Variants in IL36B observed in about 807,000 individuals in gnomAD.
IL36B encodes interleukin 36 beta, also known as interleukin-36 beta.
IL36B carries 23 observed loss-of-function variants against 19.3 expected under a neutral mutation model. The ratio of observed to expected loss-of-function variants is 1.19; its 90% CI spans 0.86 to 1.69. The LOEUF (loss-of-function observed/expected upper bound fraction) is 1.69, where lower values mean the gene tolerates loss of function less well. Among genes scored for constraint, IL36B ranks in the 40% most tolerant of loss-of-function variants. IL36B has a pLI of 0.00. For missense variants in IL36B, 217 were observed against 200.5 expected, an observed-to-expected ratio of 1.08 and a Z score of -0.50; for synonymous variants, 59 against 59.7, an observed-to-expected ratio of 0.99 and a Z score of 0.05.
At chr2:113,038,128 C>T (rs892770690) in intron 1 of IL36B, among the ~76,000 whole-genome samples, 7 of 152,164 alleles carry the variant, frequency 4.6e-5, no homozygotes, top group Non-Finnish European at 1.5e-5. Context: ...GAGATATTTC[C>T]AGAGAACAGA....
At chr2:113,040,533 G>A (rs375964117) in intron 1 of IL36B, among the ~76,000 whole-genome samples, 34 of 152,278 alleles carry the variant, frequency 2.2e-4, no homozygotes, top group African/African-American at 7.9e-4. Context: ...GAACTAATAA[G>A]TGCAAGGCTG....
chr2:113,022,806 C>G, intron 5 of IL36B: 1 of 1,464,190 alleles, frequency 6.8e-7, no homozygotes, highest in Non-Finnish European at 9.6e-7. Flanking sequence ...ATCTCCTAGG[C>G]TTAGCAAGAT....
chr2:113,051,213 G>C (rs868126713), intron 1 of IL36B, among the ~76,000 whole-genome samples: 2 of 152,222 alleles, frequency 1.3e-5, no homozygotes, highest in Admixed American at 1.3e-4. Context: ...CCTAGCCCTG[G>C]GTTTATTTCC....
At position 113,029,055 on chromosome 2, in the gene IL36B, T is replaced by G. The variant is rs558575436; in HGVS notation, c.145A>C (p.Arg49=). The change falls in exon 4 of 6, where the codon AGA becomes CGA. Residue 49 remains arginine (R), a synonymous_variant. Transcript: ENST00000259213. Reference sequence around the variant, plus strand: ...TCCTTGTCACTGAATTCTGTGTCTCTACAGGCTATTAAATGAAGAGTGACT... The same window carrying G: ...TCCTTGTCACTGAATTCTGTGTCTCGACAGGCTATTAAATGAAGAGTGACT... 1 of 1,613,244 alleles carries G rather than the reference T, an allele frequency of 6.2e-7. No homozygotes were observed. The highest frequency in any genetic ancestry group is 1.1e-5 in the South Asian group (1 of 90,780).
chr2:113,042,863 C>A (rs949997969), intron 1 of IL36B, among the ~76,000 whole-genome samples: 6 of 150,880 alleles, frequency 4.0e-5, no homozygotes, highest in African/African-American at 1.2e-4. Context: ...CAGAAACTAC[C>A]TTTTTTTTTC....
intron 1 of IL36B, among the ~76,000 whole-genome samples, chr2:113,043,033 T>C (rs560493973): frequency 6.6e-6 from 1 of 152,274 alleles, no homozygotes; most frequent in South Asian, 2.1e-4. Flanking sequence ...ACTAATTATA[T>C]TGAACATCTT....
intron 1 of IL36B, among the ~76,000 whole-genome samples, chr2:113,047,007 T>G (rs541020705): frequency 4.6e-5 from 7 of 151,702 alleles, no homozygotes; most frequent in African/African-American, 1.7e-4. Flanking sequence ...TTAGTCTGTC[T>G]TATTTATTTA....
At chr2:113,027,052 T>C (rs565381620) in intron 4 of IL36B, among the ~76,000 whole-genome samples, 6 of 152,356 alleles carry the variant, frequency 3.9e-5, no homozygotes, top group African/African-American at 1.4e-4. Flanking sequence ...ACACATTTTG[T>C]ATGTTATATG....
rs141111717 is a variant in IL36B at position 113,022,697 on chromosome 2, T to C, written c.472A>G (p.Ile158Val). 307 of 1,609,118 alleles carry C rather than the reference T, an allele frequency of 1.9e-4. 5 individuals carry two copies. In the African/African-American group the frequency reaches 3.5e-3, roughly 18 times the overall value. ...TTCTACATCCTTCCTGGCATTCCTA[T>C]GTTGGTCCGCATGGATGAGAAATCT... Residue 158 changes from isoleucine to valine, a missense_variant, in exon 6 of 6, where the codon ATA becomes GTA. By Grantham distance (29) the Ile-to-Val change is conservative. Coordinates refer to ENST00000259213, the MANE Select transcript of IL36B (RefSeq NM_014438.5).
rs556861714 is a variant in IL36B, at chr2:113,032,315, A to C, written c.-57-549T>G. Among the ~76,000 whole-genome samples the C allele has an allele frequency of 1.2e-4, 19 of 152,292 alleles. No homozygotes were observed. In the South Asian group the frequency reaches 3.7e-3, roughly 30 times the overall value. On this transcript the variant is annotated intron_variant, in intron 1 of 5. Coordinates refer to ENST00000259213, the MANE Select transcript of IL36B (RefSeq NM_014438.5). The stretch of plus-strand genomic sequence containing the variant: ...ATCCAAAGAGACATCTGTAAGGATC[A>C]TGCACATGGCCACTGAGGGCCCCAC...
At chr2:113,030,710 G>A (rs533282811) in intron 3 of IL36B, among the ~76,000 whole-genome samples, 49 of 151,626 alleles carry the variant, frequency 3.2e-4, no homozygotes, top group African/African-American at 1.2e-3. Context: ...AGATGACGGA[G>A]TTTGAATCTG....
chr2:113,049,102 G>T lies in IL36B; in HGVS notation c.-58+3715C>A, dbSNP rs185262096. 1.2e-3 allele frequency among the ~76,000 whole-genome samples: 187 copies of T among 152,212 alleles called. 1 individual carries two copies. The highest frequency in any genetic ancestry group is 7.2e-3 in the Admixed American group (110 of 15,284). ...AAGTGGTGATGGTGCACATGCAAAA[G>T]AATGAAATTAGACCCTTATCTTATA... On this transcript the variant is annotated intron_variant, in intron 1 of 5. Transcript: ENST00000259213.
intron 1 of IL36B, among the ~76,000 whole-genome samples, chr2:113,041,160 C>CA (rs59180859): frequency 0.026 from 3,710 of 143,530 alleles, 170 homozygotes; most frequent in African/African-American, 0.092. Context: ...TTGCCACACA[C>CA]AAAAAAAAAG....
At chr2:113,032,876 A>G (rs1188467000) in intron 1 of IL36B, among the ~76,000 whole-genome samples, 2 of 152,248 alleles carry the variant, frequency 1.3e-5, no homozygotes, top group Non-Finnish European at 2.9e-5. Flanking sequence ...GAGCAACACA[A>G]GCATGACTGG....
At chr2:113,046,174 A>G (rs1180712802) in intron 1 of IL36B, among the ~76,000 whole-genome samples, 1 of 151,522 alleles carries the variant, frequency 6.6e-6, no homozygotes, top group Admixed American at 6.6e-5. Flanking sequence ...TTATTATTAT[A>G]TAAAGTTTAT....
chr2:113,038,907 T>G (rs7606584), intron 1 of IL36B, among the ~76,000 whole-genome samples: 1 of 152,152 alleles, frequency 6.6e-6, no homozygotes, highest in African/African-American at 2.4e-5. Context: ...ATGCTTGTTT[T>G]AGGTGATGGG....
chr2:113,024,079 G>T (rs1366617051), intron 5 of IL36B, among the ~76,000 whole-genome samples: 2 of 152,156 alleles, frequency 1.3e-5, no homozygotes, highest in Non-Finnish European at 2.9e-5. Flanking sequence ...CTCTGAAATG[G>T]ACGTGCATTC....
At chr2:113,028,296 T>G (rs575961660) in intron 4 of IL36B, among the ~76,000 whole-genome samples, 181 bp from the exon 5 acceptor site, 1 of 152,152 alleles carries the variant, frequency 6.6e-6, no homozygotes, top group South Asian at 2.1e-4. Flanking sequence ...TGGGTTCCCA[T>G]AGCCTGGCTC....
chr2:113,022,823 A>G (rs1377908379), intron 5 of IL36B: 3 of 1,311,644 alleles, frequency 2.3e-6, no homozygotes, highest in Non-Finnish European at 3.3e-6. Flanking sequence ...AGATGTGGAC[A>G]TTTGCTAAAC....
Sources: gnomAD v4.1 joint callset for allele counts (sites outside exome capture counted in the v4.1 genomes callset) on GRCh38, gnomAD v4.1.1 for gene constraint, MANE v1.5 for transcripts, NCBI Gene and HGNC (gene_info 2026-07-23, HGNC 2026-07-21) for gene names.